TSHZ3: variants seen among roughly 807,000 people sequenced by gnomAD.
The protein encoded by TSHZ3 is teashirt homolog 3.
Under a neutral mutation model 64.5 loss-of-function variants are expected in TSHZ3, and 10 were observed. The ratio of observed to expected loss-of-function variants is 0.16; its 90% confidence interval spans 0.10 to 0.26. TSHZ3 has a LOEUF of 0.26. TSHZ3 is among the 10% of genes least tolerant of loss of function. The pLI, the probability that TSHZ3 is intolerant of heterozygous loss-of-function variation, is 1.00. For synonymous variants in TSHZ3, 608 were observed against 593.1 expected, an observed-to-expected ratio of 1.03 and a Z score of -0.36; for missense variants, 1,242 against 1,421.7, an observed-to-expected ratio of 0.87 and a Z score of 2.03.
chr19:31,293,079 A>T (rs900293118), intron 1 of TSHZ3, among the ~76,000 whole-genome samples: 1 of 150,882 alleles, frequency 6.6e-6, no homozygotes. Flanking sequence ...CCATCCAAAA[A>T]TCCATCCATC....
At chr19:31,163,288 G>C (rs981461098) in intron 5 of TSHZ3, among the ~76,000 whole-genome samples, 1 of 152,206 alleles carries the variant, frequency 6.6e-6, no homozygotes, top group Admixed American at 6.5e-5. Context: ...GTTTGAGGTT[G>C]AGTTGGTAAC....
chr19:31,349,103 G>C, intron 1 of TSHZ3, 77 bp downstream of exon 1: 1 of 1,496,044 alleles, frequency 6.7e-7, no homozygotes, highest in Non-Finnish European at 8.9e-7. Flanking sequence ...CGAGGAGCGG[G>C]GTCGCGCCCG....
At chr19:31,202,868 C>T (rs960291877) in intron 5 of TSHZ3, among the ~76,000 whole-genome samples, 3 of 152,076 alleles carry the variant, frequency 2.0e-5, no homozygotes, top group Non-Finnish European at 4.4e-5. Context: ...GTTCATGCAA[C>T]AACTGAAACA....
intron 1 of TSHZ3, among the ~76,000 whole-genome samples, chr19:31,316,845 G>T (rs1568379173): frequency 6.6e-6 from 1 of 152,134 alleles, no homozygotes; most frequent in East Asian, 1.9e-4. Flanking sequence ...ACTGTACGCT[G>T]TGTCACTGAA....
chr19:31,327,882 G>T (rs1916976334), intron 1 of TSHZ3, among the ~76,000 whole-genome samples: 1 of 152,160 alleles, frequency 6.6e-6, no homozygotes, highest in Admixed American at 6.5e-5. Context: ...TATTTGTTTA[G>T]TGTTCTCTTT....
rs866556985 is a variant in TSHZ3, at chr19:31,344,554, G to T, written c.40+4626C>A. Reference sequence around the variant, plus strand: ...AAACATGGCTGTGTGCACCAGGACCGGGCACTTCCTAATCCTTTCCTCTCT... The same window carrying T: ...AAACATGGCTGTGTGCACCAGGACCTGGCACTTCCTAATCCTTTCCTCTCT... On this transcript the variant is annotated intron_variant, in intron 1 of 1. Coordinates refer to ENST00000240587, the MANE Select transcript of TSHZ3 (RefSeq NM_020856.4). Among the ~76,000 whole-genome samples the T allele has an allele frequency of 3.3e-5, 5 of 152,178 alleles. No homozygotes were observed. The East Asian group carries it at 9.6e-4, about 29-fold the overall frequency.
downstream of TSHZ3, among the ~76,000 whole-genome samples, chr19:31,272,826 C>T (rs559515004): frequency 9.9e-5 from 15 of 152,242 alleles, no homozygotes; most frequent in African/African-American, 1.7e-4. Context: ...TGCAGCAAGC[C>T]GGGGCTTGGG....
chr19:31,187,931 T>A (rs1463481043), intron 5 of TSHZ3, among the ~76,000 whole-genome samples: 1 of 152,092 alleles, frequency 6.6e-6, no homozygotes, highest in African/African-American at 2.4e-5. Flanking sequence ...CATAAAAATT[T>A]AAGATTCAGC....
chr19:31,205,201 T>C (rs1438481335), intron 4 of TSHZ3, among the ~76,000 whole-genome samples: 1 of 152,136 alleles, frequency 6.6e-6, no homozygotes, highest in Non-Finnish European at 1.5e-5. Context: ...TTCACCAGGT[T>C]TGGGGCCAAG....
chr19:31,238,600 T>G (rs1011536629), intron 3 of TSHZ3, among the ~76,000 whole-genome samples: 2 of 152,212 alleles, frequency 1.3e-5, no homozygotes, highest in Non-Finnish European at 2.9e-5. Context: ...TATTTAAAAT[T>G]GTTCTACCTT....
At chr19:31,189,380 C>T (rs1974866026) in intron 5 of TSHZ3, among the ~76,000 whole-genome samples, 1 of 151,870 alleles carries the variant, frequency 6.6e-6, no homozygotes, top group Admixed American at 6.6e-5. Context: ...TAAGGCAATA[C>T]ATTTTCCTCT....
At chr19:31,236,814 G>A (rs943280735) in intron 3 of TSHZ3, among the ~76,000 whole-genome samples, 3 of 152,152 alleles carry the variant, frequency 2.0e-5, no homozygotes, top group Admixed American at 6.5e-5. Flanking sequence ...GCAAGTAATA[G>A]GTAGAATTGA....
intron 1 of TSHZ3, among the ~76,000 whole-genome samples, chr19:31,318,342 C>T (rs1916665388): frequency 6.6e-6 from 1 of 152,046 alleles, no homozygotes; most frequent in African/African-American, 2.4e-5. Context: ...CAGATCGGAA[C>T]GCAAAGAAGC....
intron 1 of TSHZ3, among the ~76,000 whole-genome samples, chr19:31,346,926 G>A (rs2021536289): frequency 6.6e-6 from 1 of 151,556 alleles, no homozygotes; most frequent in Admixed American, 6.6e-5. Context: ...CCATTAGGCA[G>A]AGGCATTCTG....
intron 3 of TSHZ3, among the ~76,000 whole-genome samples, chr19:31,240,340 A>G (rs1263191979): frequency 6.6e-6 from 1 of 152,192 alleles, no homozygotes; most frequent in East Asian, 1.9e-4. Context: ...CACACATAAA[A>G]ACAAAAATAC....
chr19:31,335,701 C>G (rs1246200238), intron 1 of TSHZ3, among the ~76,000 whole-genome samples: 1 of 152,236 alleles, frequency 6.6e-6, no homozygotes, highest in Non-Finnish European at 1.5e-5. Flanking sequence ...GGAACACTTG[C>G]CCCAGCCTCC....
At chr19:31,339,492 C>T (rs1917362140) in intron 1 of TSHZ3, among the ~76,000 whole-genome samples, 1 of 152,100 alleles carries the variant, frequency 6.6e-6, no homozygotes, top group Admixed American at 6.5e-5. Flanking sequence ...GGGTACAGTA[C>T]CAAGAGGAGG....
chr19:31,187,187 T>A (rs1974825379), intron 5 of TSHZ3, among the ~76,000 whole-genome samples: 1 of 152,156 alleles, frequency 6.6e-6, no homozygotes, highest in African/African-American at 2.4e-5. Context: ...CCCTGGGAAC[T>A]AGTGATCTGT....
At chr19:31,189,595 G>C (rs1189723266) in intron 5 of TSHZ3, among the ~76,000 whole-genome samples, 2 of 151,340 alleles carry the variant, frequency 1.3e-5, no homozygotes, top group African/African-American at 4.9e-5. Context: ...CATATTGTCA[G>C]AGAAAAAACT....
Sources: allele counts gnomAD v4.1 joint callset (sites outside exome capture counted in the v4.1 genomes callset), GRCh38; gene constraint gnomAD v4.1.1; transcripts MANE v1.5; gene names NCBI Gene and HGNC (gene_info 2026-07-23, HGNC 2026-07-21).